The following RPS6KA2 variants were observed in gnomAD, a reference collection of about 807,000 sequenced individuals.
RPS6KA2 encodes ribosomal protein S6 kinase alpha-2.
Under a neutral mutation model 91.8 loss-of-function variants are expected in RPS6KA2, and 42 were observed. The ratio of observed to expected loss-of-function variants is 0.46; its 90% CI spans 0.36 to 0.59. RPS6KA2 has a LOEUF of 0.59. Ranked by LOEUF, RPS6KA2 falls within the 20% of genes least tolerant of loss-of-function variation. The pLI is 0.00. For missense variants in RPS6KA2, 798 were observed against 978.5 expected, an observed-to-expected ratio of 0.82 and a Z score of 2.46; for synonymous variants, 414 against 393.6, an observed-to-expected ratio of 1.05 and a Z score of -0.61.
At chr6:166,859,058 A>G (rs9348199) in intron 1 of RPS6KA2, among the ~76,000 whole-genome samples, 867 of 4,474 alleles carry the variant, frequency 0.19, 298 homozygotes, top group East Asian at 0.68. Context: ...CATCAGCACC[A>G]GCTGCCATGC....
At chr6:166,615,169 A>T (rs1786358555) in intron 1 of RPS6KA2, among the ~76,000 whole-genome samples, 2 of 152,184 alleles carry the variant, frequency 1.3e-5, no homozygotes, top group Middle Eastern at 6.8e-3. Flanking sequence ...CTTTTTTCAG[A>T]AGTTCAGTTC....
chr6:166,629,906 G>C (rs1405473013), upstream of RPS6KA2, among the ~76,000 whole-genome samples: 1 of 151,988 alleles, frequency 6.6e-6, no homozygotes, highest in Non-Finnish European at 1.5e-5. Flanking sequence ...GGTCATTTGT[G>C]ACACAAAATG....
chr6:166,660,925 G>A (rs1179278572), intron 2 of RPS6KA2, among the ~76,000 whole-genome samples: 1 of 152,118 alleles, frequency 6.6e-6, no homozygotes, highest in African/African-American at 2.4e-5. Context: ...ATGCGTTCCT[G>A]CAAATTGGAG....
At chr6:166,710,348 T>C (rs537508076) in intron 2 of RPS6KA2, among the ~76,000 whole-genome samples, 2 of 152,336 alleles carry the variant, frequency 1.3e-5, no homozygotes, top group Admixed American at 1.3e-4. Context: ...AGCACCCTGA[T>C]GTCCTCCCAC....
At chr6:166,642,187 T>C (rs1787459316) in intron 2 of RPS6KA2, among the ~76,000 whole-genome samples, 1 of 152,114 alleles carries the variant, frequency 6.6e-6, no homozygotes, top group Non-Finnish European at 1.5e-5. Flanking sequence ...TACAAATGAA[T>C]GTTAATTACT....
chr6:166,839,451 G>A (rs9459772), intron 2 of RPS6KA2, among the ~76,000 whole-genome samples: 24,766 of 151,292 alleles, frequency 0.16, 2,170 homozygotes, highest in Non-Finnish European at 0.17. Context: ...GTGTACTATT[G>A]ATGTAGCAAC....
At position 166,418,728 on chromosome 6, in the gene RPS6KA2, ACT is replaced by A. The variant is rs1334095264; in HGVS notation, c.1821-388_1821-387del. On this transcript the variant is annotated intron_variant, in intron 18 of 20. Coordinates refer to ENST00000265678, the MANE Select transcript of RPS6KA2 (RefSeq NM_021135.6). This position sits in a 1 kb window ranked among gnomAD's most constrained non-coding sequence, Gnocchi z 4.9. ...GAGACCCACGGTGGATGTATTCCCA[ACT>A]CTGTGTTCTTTGACAAGTTAACTTT... Among the ~76,000 whole-genome samples the A allele has an allele frequency of 6.6e-6, 1 of 152,180 alleles. No individual in the cohort carries two copies. The highest frequency in any genetic ancestry group is 2.4e-5 in the African/African-American group (1 of 41,454).
intron 10 of RPS6KA2, among the ~76,000 whole-genome samples, 169 bp from the exon 11 acceptor site, chr6:166,470,074 A>G (rs908059620): frequency 6.6e-6 from 1 of 152,204 alleles, no homozygotes. Flanking sequence ...CGATGCCCCC[A>G]GCTCAGAAAG....
At chr6:166,519,369 T>C (rs771862138) in intron 3 of RPS6KA2, among the ~76,000 whole-genome samples, 3 of 152,198 alleles carry the variant, frequency 2.0e-5, no homozygotes, top group Non-Finnish European at 4.4e-5. Flanking sequence ...AAAGAATAAA[T>C]GTTCTCGGCT....
In RPS6KA2 at chr6:166,839,866, TCTG is replaced by T. The variant is rs1780422319; in HGVS notation, c.123+18331_123+18333del. ...AGCCCAGTGAGACTGATTTTGGACT[TCTG>T]CTCTCAAAAGTGGTAAGATGATAAA... On this transcript the variant is annotated intron_variant, in intron 2 of 21. Coordinates refer to the RPS6KA2 transcript ENST00000503859. Among the ~76,000 whole-genome samples, 3 of 151,146 alleles carry T rather than the reference TCTG, an allele frequency of 2.0e-5. No individual in the cohort carries two copies. In the South Asian group the frequency reaches 6.4e-4, roughly 32 times the overall value.
intron 10 of RPS6KA2, among the ~76,000 whole-genome samples, chr6:166,480,514 TA>T (rs1554279396): frequency 1.5e-4 from 17 of 110,736 alleles, no homozygotes; most frequent in Non-Finnish European, 2.3e-4. Flanking sequence ...TATATATATA[TA>T]ATATATTTTT....
intron 16 of RPS6KA2, among the ~76,000 whole-genome samples, chr6:166,424,626 A>AGAT (rs1177720842): frequency 1.3e-5 from 2 of 152,156 alleles, no homozygotes; most frequent in African/African-American, 4.8e-5. Context: ...ACCTTGGCCA[A>AGAT]GATACTCAAA....
At chr6:166,526,408 C>G (rs1294780121) in intron 3 of RPS6KA2, among the ~76,000 whole-genome samples, 2 of 138,412 alleles carry the variant, frequency 1.4e-5, no homozygotes, top group Non-Finnish European at 3.0e-5. Flanking sequence ...TGCAGTGGCA[C>G]AATCACAGCT....
At chr6:166,858,852 C>T (rs1462461693) in intron 1 of RPS6KA2, among the ~76,000 whole-genome samples, 1 of 152,256 alleles carries the variant, frequency 6.6e-6, no homozygotes, top group African/African-American at 2.4e-5. Context: ...ACCTGCTTAA[C>T]CTGGGCCTCG....
At chr6:166,485,303 T>C (rs1331327915) in intron 10 of RPS6KA2, among the ~76,000 whole-genome samples, 1 of 152,158 alleles carries the variant, frequency 6.6e-6, no homozygotes, top group Non-Finnish European at 1.5e-5. Context: ...AGTTGAGAGA[T>C]GAGTGGAAAT....
intron 1 of RPS6KA2, among the ~76,000 whole-genome samples, chr6:166,566,325 A>C (rs1171104586): frequency 6.6e-6 from 1 of 152,190 alleles, no homozygotes; most frequent in African/African-American, 2.4e-5. Context: ...TGGCATCTCC[A>C]AAGGGCCCCT....
intron 1 of RPS6KA2, among the ~76,000 whole-genome samples, chr6:166,553,442 G>A (rs1406496727): frequency 6.8e-6 from 1 of 147,474 alleles, no homozygotes; most frequent in Non-Finnish European, 1.5e-5. Flanking sequence ...CTCATGTTTA[G>A]TCCCACTTTT....
At chr6:166,581,345 G>A (rs1265160458) in intron 1 of RPS6KA2, among the ~76,000 whole-genome samples, 3 of 152,152 alleles carry the variant, frequency 2.0e-5, no homozygotes, top group Admixed American at 2.0e-4. Flanking sequence ...CAGCACCTGG[G>A]CTCCAGCGCC....
rs1313736688 is a variant in RPS6KA2 at position 166,437,678 on chromosome 6, C to A, written c.1333-5188G>T. Among the ~76,000 whole-genome samples, 1 of 152,204 alleles carries A rather than the reference C, an allele frequency of 6.6e-6. No individual in the cohort carries two copies. Among genetic ancestry groups the A allele is most frequent in the Non-Finnish European group, 1.5e-5 (1 of 68,034 alleles). On this transcript the variant is annotated intron_variant, in intron 14 of 20. Coordinates refer to ENST00000265678, the MANE Select transcript of RPS6KA2 (RefSeq NM_021135.6). This position sits in a 1 kb window ranked among gnomAD's most constrained non-coding sequence, Gnocchi z 4.3. The stretch of plus-strand genomic sequence containing the variant: ...TCTAGGGGTCTGAATATCCACGAAG[C>A]AATTCTGGGTTCAACATGGATGGCA...
Sources: allele counts gnomAD v4.1 joint callset (sites outside exome capture counted in the v4.1 genomes callset), GRCh38; gene constraint gnomAD v4.1.1; non-coding constraint Gnocchi (gnomAD v3.1); transcripts MANE v1.5; gene names NCBI Gene and HGNC (gene_info 2026-07-23, HGNC 2026-07-21).